STAC: variants seen among roughly 807,000 people sequenced by gnomAD.
STAC encodes SH3 and cysteine-rich domain-containing protein.
A neutral mutation model predicts 48.8 loss-of-function variants in STAC; 43 were observed. That is an observed-to-expected ratio of 0.88 (90% confidence interval 0.69 to 1.14). The LOEUF (loss-of-function observed/expected upper bound fraction) is 1.14, where lower values mean the gene tolerates loss of function less well. Among genes scored for constraint, STAC ranks in the 50% most tolerant of loss-of-function variants. STAC has a pLI of 0.00. For synonymous variants in STAC, 193 were observed against 179.5 expected (o/e 1.07, Z -0.60); for missense variants, 497 against 504.0 (o/e 0.99, Z 0.13).
chr3:36,500,879 C>T (rs1698266560), intron 6 of STAC, among the ~76,000 whole-genome samples: 1 of 152,038 alleles, frequency 6.6e-6, no homozygotes, highest in South Asian at 2.1e-4. Context: ...CCATTTGATG[C>T]CAGGAGTTCA....
intron 2 of STAC, among the ~76,000 whole-genome samples, chr3:36,470,870 A>C (rs1697314443): frequency 6.6e-6 from 1 of 152,274 alleles, no homozygotes; most frequent in Non-Finnish European, 1.5e-5. Flanking sequence ...AAGTATGGCC[A>C]GAATTCTTGA....
chr3:36,466,825 G>C (rs1323524856), intron 2 of STAC, among the ~76,000 whole-genome samples: 1 of 151,846 alleles, frequency 6.6e-6, no homozygotes, highest in Non-Finnish European at 1.5e-5. Flanking sequence ...TTACTGATTT[G>C]GATGCCCTTT....
intron 1 of STAC, among the ~76,000 whole-genome samples, chr3:36,416,465 T>C (rs1700321631): frequency 6.6e-6 from 1 of 152,204 alleles, no homozygotes. Context: ...ATAAACATGG[T>C]ATACCTTCCT....
intron 1 of STAC, among the ~76,000 whole-genome samples, chr3:36,440,407 C>T (rs1696310627): frequency 1.3e-5 from 2 of 152,154 alleles, no homozygotes; most frequent in African/African-American, 4.8e-5. Context: ...ATCTAGACTC[C>T]CTTATGCCTG....
rs530971324 is a variant in STAC, at chr3:36,393,640, C to T, written c.111+12886C>T. On this transcript the variant is annotated intron_variant, in intron 1 of 10. Coordinates refer to ENST00000273183, the MANE Select transcript of STAC (RefSeq NM_003149.3). Reference sequence around the variant, plus strand: ...GAAAGCTTCATGATGCAATTGGTGGCCTTATAAAAACAGACAAGAGAGAGC... The same window carrying T: ...GAAAGCTTCATGATGCAATTGGTGGTCTTATAAAAACAGACAAGAGAGAGC... 2.7e-5 allele frequency among the ~76,000 whole-genome samples: 4 copies of T among 150,154 alleles called. No individual in the cohort carries two copies. The Admixed American group carries it at 2.7e-4, about 10-fold the overall frequency.
intron 2 of STAC, among the ~76,000 whole-genome samples, chr3:36,482,677 T>C (rs77806933): frequency 0.016 from 2,462 of 152,234 alleles, 21 homozygotes; most frequent in Non-Finnish European, 0.021. Flanking sequence ...AAAAGTAGAA[T>C]TGAGTAACCT....
At chr3:36,445,214 TACA>T (rs1327075089) in intron 2 of STAC, among the ~76,000 whole-genome samples, 2 of 152,170 alleles carry the variant, frequency 1.3e-5, no homozygotes, top group Non-Finnish European at 2.9e-5. Context: ...ACATCTCAAG[TACA>T]ACAACAATTT....
At chr3:36,532,517 G>A (rs901566005) in intron 10 of STAC, among the ~76,000 whole-genome samples, 3 of 152,084 alleles carry the variant, frequency 2.0e-5, no homozygotes, top group African/African-American at 7.2e-5. Flanking sequence ...TGTTCCCCCT[G>A]GGGCTGTTAT....
chr3:36,543,257 G>C (rs1699371850), intron 10 of STAC, among the ~76,000 whole-genome samples: 1 of 152,122 alleles, frequency 6.6e-6, no homozygotes, highest in African/African-American at 2.4e-5. Context: ...TTCAGGCTCT[G>C]CCATTGTTTC....
chr3:36,471,817 C>A (rs1263621355), intron 2 of STAC, among the ~76,000 whole-genome samples: 1 of 152,186 alleles, frequency 6.6e-6, no homozygotes, highest in Admixed American at 6.5e-5. Context: ...CCCTCCCTCC[C>A]AGCTGCTTTC....
chr3:36,495,622 T>G (rs1281010352), intron 6 of STAC, among the ~76,000 whole-genome samples: 1 of 152,284 alleles, frequency 6.6e-6, no homozygotes, highest in Admixed American at 6.5e-5. Context: ...GCTCTGTCTA[T>G]GCTGTTGCTC....
rs1697794810 is a variant in STAC, at chr3:36,485,847, T to C, written c.572-287T>C. 1.5e-5 allele frequency: 4 copies of C among 262,186 alleles called. No individual in the cohort carries two copies. In the South Asian group the frequency reaches 2.0e-4, roughly 13 times the overall value. The allele number at this position is 262,186 out of a possible 1,614,324, so 16.2% of individuals were successfully genotyped here. On this transcript the variant is annotated intron_variant, in intron 4 of 10. Transcript: ENST00000273183. ...CAGTAGAGGAGATAAAGCTGATCCC[T>C]GCAAGAACCTGGAAATCAGAGAGGA... is the stretch of plus-strand genomic sequence containing the variant.
At chr3:36,410,153 G>T (rs1700164487) in intron 1 of STAC, among the ~76,000 whole-genome samples, 1 of 152,088 alleles carries the variant, frequency 6.6e-6, no homozygotes, top group Non-Finnish European at 1.5e-5. Context: ...TACAAAGGCA[G>T]GTGAGACAGG....
At chr3:36,466,658 G>A (rs1697179857) in intron 2 of STAC, among the ~76,000 whole-genome samples, 1 of 152,048 alleles carries the variant, frequency 6.6e-6, no homozygotes, top group Non-Finnish European at 1.5e-5. Flanking sequence ...GGTCACTGTT[G>A]GTATATAGCA....
chr3:36,393,908 T>G (rs1699801940), intron 1 of STAC, among the ~76,000 whole-genome samples: 1 of 151,948 alleles, frequency 6.6e-6, no homozygotes, highest in South Asian at 2.1e-4. Context: ...AAAAGTAAGT[T>G]TTGTTTCAGA....
chr3:36,464,264 G>A, intron 2 of STAC, among the ~76,000 whole-genome samples: 1 of 152,076 alleles, frequency 6.6e-6, no homozygotes, highest in Non-Finnish European at 1.5e-5. Context: ...TTTCTCTGAT[G>A]GCCAGTGATG....
chr3:36,397,854 T>G (rs1357930904), intron 1 of STAC, among the ~76,000 whole-genome samples: 1 of 152,200 alleles, frequency 6.6e-6, no homozygotes, highest in Admixed American at 6.5e-5. Flanking sequence ...TTAGGATTAT[T>G]TTGGCAAAGT....
intron 10 of STAC, among the ~76,000 whole-genome samples, chr3:36,529,876 C>T (rs1318037311): frequency 6.6e-6 from 1 of 152,092 alleles, no homozygotes; most frequent in Non-Finnish European, 1.5e-5. Flanking sequence ...AATCCCAGCA[C>T]TTTGGGAGGC....
chr3:36,489,247 A>T (rs971391301), intron 5 of STAC, among the ~76,000 whole-genome samples: 2 of 152,104 alleles, frequency 1.3e-5, no homozygotes, highest in African/African-American at 2.4e-5. Flanking sequence ...TACATCAGGG[A>T]CTCATAGAGT....
Sources: gnomAD v4.1 joint callset for allele counts (sites outside exome capture counted in the v4.1 genomes callset) on GRCh38, gnomAD v4.1.1 for gene constraint, MANE v1.5 for transcripts, NCBI Gene and HGNC (gene_info 2026-07-23, HGNC 2026-07-21) for gene names.